Variants in OTUD6B observed in about 807,000 individuals in gnomAD.
OTUD6B encodes deubiquitinase OTUD6B.
OTUD6B carries 41 observed loss-of-function variants against 36.9 expected under a neutral mutation model. That is an observed-to-expected ratio of 1.11 (90% CI 0.87 to 1.44). OTUD6B has a LOEUF of 1.44. Ranked by LOEUF, OTUD6B falls within the 40% of genes most tolerant of loss-of-function variation. OTUD6B has a pLI of 0.00. For missense variants in OTUD6B, 356 were observed against 344.8 expected, an observed-to-expected ratio of 1.03 and a Z score of -0.26; for synonymous variants, 114 against 114.2, an observed-to-expected ratio of 1.00 and a Z score of 0.01.
At chr8:91,082,082 T>C (rs1040890039) in intron 5 of OTUD6B, among the ~76,000 whole-genome samples, 1 of 152,114 alleles carries the variant, frequency 6.6e-6, no homozygotes, top group Non-Finnish European at 1.5e-5. Context: ...ATTTAAGTTA[T>C]TAAAGAAAAT....
intron 3 of OTUD6B, chr8:91,076,491 A>G (rs1406988293): frequency 2.0e-6 from 3 of 1,507,474 alleles, no homozygotes; most frequent in Non-Finnish European, 2.7e-6. Context: ...TTAGAGGCTT[A>G]AACAGTTTTG....
chr8:91,084,454 A>G (rs1812968776), intron 6 of OTUD6B, among the ~76,000 whole-genome samples: 1 of 152,170 alleles, frequency 6.6e-6, no homozygotes, highest in Non-Finnish European at 1.5e-5. Context: ...TCTGAAATAC[A>G]GCATGCAGGG....
At chr8:91,080,589 A>G in intron 4 of OTUD6B, 80 bp from the exon 5 acceptor site, 1 of 1,511,458 alleles carries the variant, frequency 6.6e-7, no homozygotes. Context: ...TTTGTCAGGA[A>G]TTGTGGGAAC....
At chr8:91,076,478 AT>A in intron 3 of OTUD6B, 1 of 1,489,986 alleles carries the variant, frequency 6.7e-7, no homozygotes, top group Non-Finnish European at 8.9e-7. Flanking sequence ...TAGAATTAGT[AT>A]TTTAGAGGCT....
chr8:91,080,920 G>A (rs1812893247), intron 5 of OTUD6B, among the ~76,000 whole-genome samples, 190 bp downstream of exon 5: 1 of 152,152 alleles, frequency 6.6e-6, no homozygotes, highest in Non-Finnish European at 1.5e-5. Context: ...AAGTATGTAT[G>A]TTGAGGGATT....
rs767009315 is a variant in OTUD6B at position 91,078,381 on chromosome 8, A to G, written c.341A>G (p.Glu114Gly). The G allele has an allele frequency of 1.9e-6, 3 of 1,584,898 alleles. No homozygotes were observed. The highest frequency in any genetic ancestry group is 1.2e-5 in the South Asian group (1 of 86,638). ...GAAAAGAAAGCTGCATTGGAAAAGG[A>G]GCGAGAAGAACGGATAGCTGAAGCT... ...RREKKAALEKEREERIAEAEI... is the reference protein window; with the variant it reads ...RREKKAALEKGREERIAEAEI... The change falls in exon 4 of 7, where the codon GAG (glutamate) becomes GGG (glycine). Residue 114 changes from glutamate (E) to glycine (G), a missense_variant. By Grantham distance (98) the Glu-to-Gly change is moderately conservative. Transcript: ENST00000404789.
chr8:91,075,669 A>G (rs1041439516), intron 3 of OTUD6B, among the ~76,000 whole-genome samples: 2 of 152,120 alleles, frequency 1.3e-5, no homozygotes, highest in Non-Finnish European at 2.9e-5. Flanking sequence ...ATGCCCAAGT[A>G]ATGTTTTTAC....
At position 91,077,181 on chromosome 8, in the gene OTUD6B, TACAA is replaced by T. The variant is rs200136713; in HGVS notation, c.316-1169_316-1166del. Among the ~76,000 whole-genome samples the T allele has an allele frequency of 6.2e-3, 944 of 152,104 alleles. 7 individuals are homozygous for T. Among genetic ancestry groups the T allele is most frequent in the African/African-American group, 0.022 (904 of 41,520 alleles). On this transcript the variant is annotated intron_variant, in intron 3 of 6. Transcript: ENST00000404789. Reference sequence around the variant, plus strand: ...TTATAAAGCAGTTTCCGCTTGAGTGTACAAACAAAATATATGATAGAGAATTAGA... The same window carrying T: ...TTATAAAGCAGTTTCCGCTTGAGTGTACAAAATATATGATAGAGAATTAGA...
intron 3 of OTUD6B, 37 bp from the exon 4 acceptor site, chr8:91,078,319 A>T: frequency 1.3e-6 from 2 of 1,499,776 alleles, no homozygotes; most frequent in Non-Finnish European, 1.8e-6. Flanking sequence ...AGTCCAAATT[A>T]TTATGAATTA....
intron 6 of OTUD6B, among the ~76,000 whole-genome samples, 164 bp downstream of exon 6, chr8:91,084,278 G>T (rs1027960372): frequency 6.6e-6 from 1 of 152,050 alleles, no homozygotes; most frequent in African/African-American, 2.4e-5. Flanking sequence ...ATTTCTAAAG[G>T]TTATAACATT....
chr8:91,073,779 T>A (rs1812748199), intron 2 of OTUD6B, 52 bp from the exon 3 acceptor site: 3 of 1,486,902 alleles, frequency 2.0e-6, no homozygotes, highest in Admixed American at 4.2e-5. Flanking sequence ...ATTTATGATT[T>A]TCAGTAATTT....
intron 6 of OTUD6B, 86 bp from the exon 7 acceptor site, chr8:91,084,698 G>A (rs1586210315): frequency 8.4e-7 from 1 of 1,193,932 alleles, no homozygotes; most frequent in Non-Finnish European, 1.1e-6. Flanking sequence ...CAGAATCATT[G>A]GTTTATATAT....
At chr8:91,078,807 A>T in intron 4 of OTUD6B, 139 bp downstream of exon 4, 1 of 491,054 alleles carries the variant, frequency 2.0e-6, no homozygotes, top group Non-Finnish European at 3.5e-6. Flanking sequence ...AGGCAGAATT[A>T]TTTTCTGTAA....
intron 3 of OTUD6B, chr8:91,076,701 A>C: frequency 2.4e-6 from 3 of 1,246,810 alleles, no homozygotes; most frequent in Non-Finnish European, 3.4e-6. Context: ...GAAGAGGAAA[A>C]TGAGGGGTTT....
intron 2 of OTUD6B, chr8:91,073,598 G>A (rs1252200793): frequency 5.3e-6 from 1 of 189,638 alleles, no homozygotes. Context: ...GATTAATGGA[G>A]TAGGCATTCT....
intron 3 of OTUD6B, 127 bp downstream of exon 3, chr8:91,074,038 T>TGCA: frequency 1.8e-6 from 1 of 559,444 alleles, no homozygotes; most frequent in Non-Finnish European, 3.1e-6. Flanking sequence ...GTCTAGGCAC[T>TGCA]TGAACTAACA....
In OTUD6B at chr8:91,085,450, A is replaced by G. The variant is rs1478498020; in HGVS notation, c.*582A>G. ...TGCTTTAATAATTAATAATTTAAAA[A>G]TATTTATTTAGATGGGATTCAGTTG... On this transcript the variant is annotated 3_prime_UTR_variant, in exon 7 of 7. Transcript: ENST00000404789. 1 of 151,956 alleles carries G rather than the reference A, an allele frequency of 6.6e-6. No homozygotes were observed. Among genetic ancestry groups the G allele is most frequent in the East Asian group, 1.9e-4 (1 of 5,192 alleles). The allele number at this position is 151,956 out of a possible 1,614,324, so 9.4% of individuals were successfully genotyped here. A position where few individuals can be genotyped will look rare whatever the true frequency, so the allele number is the denominator to read the frequency against.
chr8:91,080,652 T>C lies in OTUD6B; in HGVS notation c.629-17T>C, dbSNP rs1485007890. The C allele has an allele frequency of 1.3e-6, 2 of 1,587,992 alleles. No homozygotes were observed. The highest frequency in any genetic ancestry group is 8.6e-7 in the Non-Finnish European group (1 of 1,165,852). On this transcript the variant is annotated splice_polypyrimidine_tract_variant and intron_variant, in intron 4 of 6. Coordinates refer to ENST00000404789, the MANE Select transcript of OTUD6B (RefSeq NM_016023.5). ...ACAAAAATTATTAAGTGCTGTATTC[T>C]GACCTAATCTCTACAGAAGAATTTC... is the stretch of plus-strand genomic sequence containing the variant.
intron 1 of OTUD6B, among the ~76,000 whole-genome samples, chr8:91,070,801 C>T (rs540938250): frequency 6.6e-6 from 1 of 152,138 alleles, no homozygotes; most frequent in Non-Finnish European, 1.5e-5. Flanking sequence ...GATACTTGTC[C>T]CTAATGGGTG....
Sources: allele counts gnomAD v4.1 joint callset (sites outside exome capture counted in the v4.1 genomes callset), GRCh38; gene constraint gnomAD v4.1.1; transcripts MANE v1.5; gene names NCBI Gene and HGNC (gene_info 2026-07-23, HGNC 2026-07-21).